NEB: variants seen among roughly 807,000 people sequenced by gnomAD.
The protein encoded by NEB is nebulin, also known as nemaline myopathy type 2.
A neutral mutation model predicts 952.2 loss-of-function variants in NEB; 512 were observed. That is an observed-to-expected ratio of 0.54 (90% confidence interval 0.50 to 0.58). NEB has a LOEUF of 0.58. NEB is among the 20% of genes least tolerant of loss of function. The probability of loss-of-function intolerance (pLI) is 0.00; values close to 1 mark genes in which losing one functional copy is unlikely to be tolerated. For synonymous variants in NEB, 2,900 were observed against 3,149.8 expected (o/e 0.92, Z 2.66); for missense variants, 8,428 against 9,231.1 (o/e 0.91, Z 3.56).
chr2:151,492,363 A>C (rs569781774), intron 177 of NEB, 24 bp downstream of exon 177: 1 of 1,591,024 alleles, frequency 6.3e-7, no homozygotes, highest in Non-Finnish European at 8.6e-7. Context: ...GCAGCCAGCC[A>C]ATCCTAAAGA....
chr2:151,651,350 T>C (rs1351479837), intron 52 of NEB, among the ~76,000 whole-genome samples: 8 of 152,208 alleles, frequency 5.3e-5, no homozygotes, highest in Admixed American at 6.5e-5. Flanking sequence ...GTGATATTCT[T>C]ATGGAAATGA....
chr2:151,509,364 A>G (rs1237172238), intron 161 of NEB, among the ~76,000 whole-genome samples: 2 of 152,202 alleles, frequency 1.3e-5, no homozygotes, highest in African/African-American at 4.8e-5. Flanking sequence ...GAATAGAAAC[A>G]ATCGTCCTTT....
At chr2:151,555,590 T>G (rs932790611) in intron 124 of NEB, among the ~76,000 whole-genome samples, 1 of 152,198 alleles carries the variant, frequency 6.6e-6, no homozygotes, top group African/African-American at 2.4e-5. Context: ...TGTTGCCCGT[T>G]AATTAGTGTT....
intron 100 of NEB, among the ~76,000 whole-genome samples, chr2:151,584,145 T>C (rs2097183388): frequency 2.5e-5 from 1 of 39,584 alleles, no homozygotes; most frequent in African/African-American, 1.2e-4. Flanking sequence ...TCACAGTTCA[T>C]CCTCACAATG....
chr2:151,693,162 T>C (rs1239010773), intron 20 of NEB, among the ~76,000 whole-genome samples: 1 of 152,192 alleles, frequency 6.6e-6, no homozygotes, highest in East Asian at 1.9e-4. Context: ...TTTAGAGCAA[T>C]AATAAATGAA....
chr2:151,686,896 A>G (rs147654864), intron 27 of NEB, among the ~76,000 whole-genome samples: 1 of 152,268 alleles, frequency 6.6e-6, no homozygotes, highest in African/African-American at 2.4e-5. Context: ...AAAGGCATGA[A>G]AAGAAATGTT....
chr2:151,706,760 C>A, intron 13 of NEB, 121 bp downstream of exon 13: 1 of 703,798 alleles, frequency 1.4e-6, no homozygotes, highest in Non-Finnish European at 2.4e-6. Flanking sequence ...TTCCAATGAA[C>A]CTACCACTCC....
At chr2:151,699,020 T>C (rs1237902629) in intron 13 of NEB, among the ~76,000 whole-genome samples, 1 of 118,554 alleles carries the variant, frequency 8.4e-6, no homozygotes, top group Non-Finnish European at 1.8e-5. Flanking sequence ...CCCTCCCCCC[T>C]CCCCACCACA....
In NEB at chr2:151,643,402, T is replaced by G. The variant is rs375141068; in HGVS notation, c.7957-49A>C. The G allele has an allele frequency of 1.9e-4, 265 of 1,393,090 alleles. 2 individuals are homozygous for G. Among genetic ancestry groups the G allele is most frequent in the Non-Finnish European group, 4.3e-5 (44 of 1,016,778 alleles). The allele number at this position is 1,393,090 out of a possible 1,614,324, so 86.3% of individuals were successfully genotyped here. A position where few individuals can be genotyped will look rare whatever the true frequency, so the allele number is the denominator to read the frequency against. The stretch of plus-strand genomic sequence containing the variant: ...GTCATAATTAAATCATTTATCACAA[T>G]TTGTCATAATTTGTCATAATTAAAT... On this transcript the variant is annotated intron_variant, in intron 57 of 181. Transcript: ENST00000397345.
chr2:151,488,450 C>A (rs1427017219), intron 181 of NEB, among the ~76,000 whole-genome samples: 2 of 146,574 alleles, frequency 1.4e-5, no homozygotes. Context: ...GGTTTGAGAC[C>A]AGCCTGGGCA....
chr2:151,491,691 A>G lies in NEB; in HGVS notation c.25142T>C (p.Met8381Thr), dbSNP rs1316386738. 8 of 1,589,394 alleles carry G rather than the reference A, an allele frequency of 5.0e-6. No individual in the cohort carries two copies. The Admixed American group carries it at 1.1e-4, about 21-fold the overall frequency. Residue 8381 changes from methionine to threonine, a missense_variant, in exon 179 of 182, where the codon ATG (methionine) becomes ACG (threonine). Around this residue, in one of 11 missense-constraint regions of NEB, gnomAD observed 3,374 missense variants for 3,651.5 expected, o/e 0.92. Coordinates refer to ENST00000397345, the MANE Select transcript of NEB (RefSeq NM_001164508.2). ...EDNIQSRSLH[M>T]INVQAQRRSR... is the part of the protein sequence containing the mutation. ...TTTTTCAGCTAACACACCATTAATC[A>G]TGTGTAAGCTTCGGGACTGGATGTT...
chr2:151,618,519 T>C (rs759419463), intron 73 of NEB, 41 bp from the exon 74 acceptor site: 2 of 1,568,278 alleles, frequency 1.3e-6, no homozygotes, highest in East Asian at 2.3e-5. Flanking sequence ...TTAATTAGTG[T>C]TTCAGATTCA....
At chr2:151,666,459 G>A in intron 40 of NEB, 58 bp from the exon 41 acceptor site, 1 of 1,493,490 alleles carries the variant, frequency 6.7e-7, no homozygotes, top group Admixed American at 2.0e-5. Flanking sequence ...GATATAAACT[G>A]AATTTATACA....
chr2:151,527,098 A>C, intron 147 of NEB, 76 bp from the exon 148 acceptor site: 1 of 941,602 alleles, frequency 1.1e-6, no homozygotes, highest in Non-Finnish European at 1.7e-6. Context: ...TTAAACACAC[A>C]GGGAGTCCTC....
chr2:151,577,878 C>G (rs1457360662), intron 105 of NEB, among the ~76,000 whole-genome samples: 1 of 152,172 alleles, frequency 6.6e-6, no homozygotes, highest in African/African-American at 2.4e-5. Context: ...AGCGCCCAGC[C>G]TATGTCATGT....
In NEB at chr2:151,630,790, G is replaced by C; in HGVS notation, c.9648C>G (p.Asp3216Glu). 1 of 1,611,080 alleles carries C rather than the reference G, an allele frequency of 6.2e-7. No individual in the cohort carries two copies. The highest frequency in any genetic ancestry group is 2.2e-5 in the East Asian group (1 of 44,800). ...CAGGCATTATGTGAATTTGAGTCTTGTCTTTGTCCCAGGCCTCTGTGTATA... is the reference window on the plus strand; with the variant it reads ...CAGGCATTATGTGAATTTGAGTCTTCTCTTTGTCCCAGGCCTCTGTGTATA... ...KRLYTEAWDK[D>E]KTQIHIMPDT... The change falls in exon 67 of 182, where the codon GAC (aspartate) becomes GAG (glutamate). Residue 3216 changes from aspartate to glutamate, a missense_variant. Around this residue, in one of 11 missense-constraint regions of NEB, gnomAD observed 1,772 missense variants for 1,960.3 expected, o/e 0.90. Coordinates refer to ENST00000397345, the MANE Select transcript of NEB (RefSeq NM_001164508.2).
chr2:151,501,778 T>C (rs774910685), intron 167 of NEB, among the ~76,000 whole-genome samples: 1 of 151,934 alleles, frequency 6.6e-6, no homozygotes, highest in South Asian at 2.1e-4. Flanking sequence ...TTCAAACTAA[T>C]TGAAATTAAT....
At chr2:151,511,880 C>G (rs2074680119) in intron 161 of NEB, among the ~76,000 whole-genome samples, 1 of 152,128 alleles carries the variant, frequency 6.6e-6, no homozygotes, top group South Asian at 2.1e-4. Context: ...TCTGCGCACA[C>G]ATTTTTAAAG....
intron 107 of NEB, among the ~76,000 whole-genome samples, chr2:151,575,154 A>T (rs1265446471): frequency 6.6e-6 from 1 of 152,186 alleles, no homozygotes; most frequent in African/African-American, 2.4e-5. Flanking sequence ...TTTTGAAATA[A>T]TCAAGGGGAC....
Sources: allele counts gnomAD v4.1 joint callset (sites outside exome capture counted in the v4.1 genomes callset), GRCh38; gene constraint gnomAD v4.1.1; regional missense constraint gnomAD v4.1.1; transcripts MANE v1.5; gene names NCBI Gene and HGNC (gene_info 2026-07-23, HGNC 2026-07-21).